RASSF3: variants seen among roughly 807,000 people sequenced by gnomAD.
The protein encoded by RASSF3 is ras association domain-containing protein 3.
Under a neutral mutation model 19.9 loss-of-function variants are expected in RASSF3, and 19 were observed. The observed-to-expected ratio is 0.96, with a 90% CI of 0.67 to 1.40. The LOEUF (loss-of-function observed/expected upper bound fraction) is 1.40, where lower values mean the gene tolerates loss of function less well. RASSF3 is among the 40% of genes most tolerant of loss of function. The probability of loss-of-function intolerance (pLI) is 0.00; values close to 1 mark genes in which losing one functional copy is unlikely to be tolerated. For missense variants in RASSF3, 306 were observed against 289.8 expected (o/e 1.06, Z -0.41); for synonymous variants, 110 against 104.2 (o/e 1.06, Z -0.34).
Position 64,697,478 on chromosome 12 carries a change from G to GT in RASSF3, c.*2569dup, listed in dbSNP as rs1868403437. 6.6e-6 allele frequency: 1 copy of GT among 152,122 alleles called. No individual in the cohort carries two copies. The highest frequency in any genetic ancestry group is 1.5e-5 in the Non-Finnish European group (1 of 68,010). 9.4% of individuals were successfully genotyped at this position (152,122 alleles called of 1,614,324 possible). A position where few individuals can be genotyped will look rare whatever the true frequency, so the allele number is the denominator to read the frequency against. ...ATATTTATAATTTTGATGGGTTTAA[G>GT]TTTATTTTTGTAGGGAAGATTTTTC... On this transcript the variant is annotated 3_prime_UTR_variant, in exon 5 of 5. Coordinates refer to ENST00000542104, the MANE Select transcript of RASSF3 (RefSeq NM_178169.4).
intron 1 of RASSF3, among the ~76,000 whole-genome samples, chr12:64,637,287 G>A (rs1309766600): frequency 1.3e-5 from 2 of 152,114 alleles, no homozygotes; most frequent in Non-Finnish European, 2.9e-5. Flanking sequence ...CTGACTGAGT[G>A]GGTGTCTTTT....
upstream of RASSF3, among the ~76,000 whole-genome samples, chr12:64,532,609 G>C (rs1350656976): frequency 6.6e-6 from 1 of 151,782 alleles, no homozygotes; most frequent in African/African-American, 2.4e-5. Flanking sequence ...GACTGCTTAA[G>C]TCCAGGGGTT....
intron 2 of RASSF3, among the ~76,000 whole-genome samples, chr12:64,602,591 A>G (rs996191103): frequency 6.9e-6 from 1 of 144,488 alleles, no homozygotes; most frequent in Non-Finnish European, 1.5e-5. Context: ...AAAAAAAAAG[A>G]AAAAAGAAAA....
intron 2 of RASSF3, among the ~76,000 whole-genome samples, chr12:64,573,615 A>G (rs1232109050): frequency 1.3e-5 from 2 of 152,162 alleles, no homozygotes; most frequent in Non-Finnish European, 2.9e-5. Flanking sequence ...AAACTCAGTC[A>G]TGTGTATTTA....
At chr12:64,689,949 T>C (rs1333688765) in intron 3 of RASSF3, among the ~76,000 whole-genome samples, 1 of 150,546 alleles carries the variant, frequency 6.6e-6, no homozygotes, top group African/African-American at 2.4e-5. Flanking sequence ...CCACCACGTC[T>C]GGCTAATTTT....
intron 2 of RASSF3, among the ~76,000 whole-genome samples, chr12:64,547,321 A>C (rs1190592713): frequency 6.6e-6 from 1 of 151,578 alleles, no homozygotes; most frequent in Non-Finnish European, 1.5e-5. Context: ...TAATCCCAGC[A>C]CTTTGGGAGG....
chr12:64,589,289 A>C (rs768278630), intron 2 of RASSF3, among the ~76,000 whole-genome samples: 11 of 151,984 alleles, frequency 7.2e-5, no homozygotes, highest in African/African-American at 2.7e-4. Flanking sequence ...ATCTCTACTA[A>C]AAATATAAAA....
intron 1 of RASSF3, among the ~76,000 whole-genome samples, chr12:64,629,261 C>T (rs1406654203): frequency 6.6e-6 from 1 of 151,952 alleles, no homozygotes; most frequent in Non-Finnish European, 1.5e-5. Flanking sequence ...GCCACCACAC[C>T]CAGCTAATTT....
At chr12:64,545,886 AAGAG>A (rs945735783), downstream of RASSF3, among the ~76,000 whole-genome samples, 2 of 151,988 alleles carry the variant, frequency 1.3e-5, no homozygotes, top group African/African-American at 4.8e-5. Flanking sequence ...TCGAAGAAAA[AAGAG>A]AGAGACCATC....
chr12:64,601,774 T>C (rs555813683), intron 2 of RASSF3, among the ~76,000 whole-genome samples: 1 of 151,940 alleles, frequency 6.6e-6, no homozygotes, highest in East Asian at 1.9e-4. Context: ...GATCAGGCCA[T>C]TGCACTCCAG....
intron 3 of RASSF3, 71 bp from the exon 4 acceptor site, chr12:64,691,399 G>C: frequency 1.0e-6 from 1 of 998,312 alleles, no homozygotes. Flanking sequence ...CTGGAGGAGG[G>C]GATCACAATG....
At position 64,610,578 on chromosome 12, in the gene RASSF3, C is replaced by G; in HGVS notation, c.-55C>G. The G allele has an allele frequency of 9.2e-7, 1 of 1,086,192 alleles. No homozygotes were observed. The highest frequency in any genetic ancestry group is 1.2e-6 in the Non-Finnish European group (1 of 815,918). The allele number at this position is 1,086,192 out of a possible 1,614,324, so 67.3% of individuals were successfully genotyped here. ...GCGGGGCTGGCGGGCGCCGCACCCC[C>G]TCCCTGGCCGCCTGCGCCCCGGGGA... On this transcript the variant is annotated 5_prime_UTR_variant, in exon 1 of 5. Transcript: ENST00000542104.
chr12:64,684,492 G>A (rs185150720), intron 1 of RASSF3, among the ~76,000 whole-genome samples: 28 of 149,754 alleles, frequency 1.9e-4, no homozygotes, highest in African/African-American at 6.9e-4. Context: ...GTGCAATGGC[G>A]TGATCTCAGC....
At chr12:64,641,844 G>A (rs1871545964) in intron 1 of RASSF3, among the ~76,000 whole-genome samples, 1 of 151,648 alleles carries the variant, frequency 6.6e-6, no homozygotes, top group African/African-American at 2.4e-5. Context: ...CCGGGTTCAA[G>A]CGATTCTTCT....
chr12:64,556,300 A>G (rs1402247095), intron 2 of RASSF3, among the ~76,000 whole-genome samples: 1 of 152,094 alleles, frequency 6.6e-6, no homozygotes, highest in East Asian at 1.9e-4. Flanking sequence ...GACTGCAGGC[A>G]TGCACACCAC....
intron 2 of RASSF3, among the ~76,000 whole-genome samples, chr12:64,583,578 C>T (rs539516400): frequency 2.0e-5 from 3 of 152,190 alleles, no homozygotes; most frequent in Non-Finnish European, 2.9e-5. Flanking sequence ...GCCAAGATTG[C>T]GCCATTGCAC....
At chr12:64,675,719 A>G (rs1359996737) in intron 1 of RASSF3, among the ~76,000 whole-genome samples, 3 of 152,104 alleles carry the variant, frequency 2.0e-5, no homozygotes, top group Non-Finnish European at 4.4e-5. Context: ...ATCTATTGCT[A>G]CAAGGAGGAT....
chr12:64,685,006 A>C, intron 2 of RASSF3, 112 bp downstream of exon 2: 2 of 676,778 alleles, frequency 3.0e-6, no homozygotes, highest in South Asian at 3.4e-5. Context: ...GAAGTGTAGT[A>C]GTCAAGGTAT....
chr12:64,543,514 GCCGCCCC>G (rs1171088070), downstream of RASSF3, among the ~76,000 whole-genome samples: 2 of 43,532 alleles, frequency 4.6e-5, no homozygotes, highest in African/African-American at 1.3e-4. Context: ...CCCTCCCCCC[GCCGCCCC>G]CCGCTCTCCC....
Sources: gnomAD v4.1 joint callset for allele counts (sites outside exome capture counted in the v4.1 genomes callset) on GRCh38, gnomAD v4.1.1 for gene constraint, MANE v1.5 for transcripts, NCBI Gene and HGNC (gene_info 2026-07-23, HGNC 2026-07-21) for gene names.